The following BRPF1 variants were observed in gnomAD, a reference collection of about 807,000 sequenced individuals.
The protein encoded by BRPF1 is bromodomain and PHD finger containing 1.
In BRPF1, 15 loss-of-function variants were observed where a neutral mutation model predicts 115.0. The ratio of observed to expected loss-of-function variants is 0.13; its 90% CI spans 0.09 to 0.20. The LOEUF (loss-of-function observed/expected upper bound fraction) is 0.20, where lower values mean the gene tolerates loss of function less well. Ranked by LOEUF, BRPF1 falls within the 10% of genes least tolerant of loss-of-function variation. The pLI is 1.00. For synonymous variants in BRPF1, 647 were observed against 619.8 expected (o/e 1.04, Z -0.65); for missense variants, 1,118 against 1,638.3 (o/e 0.68, Z 5.48).
chr3:9,739,977 G>C lies in BRPF1; in HGVS notation c.1559+19G>C, dbSNP rs2077002621. The stretch of plus-strand genomic sequence containing the variant: ...CACACAGGTATGTGGGGAGCCGGTG[G>C]ACAGGCAGATGAGGGAGAAAGGAGC... On this transcript the variant is annotated intron_variant, in intron 3 of 13. Coordinates refer to ENST00000383829, the MANE Select transcript of BRPF1 (RefSeq NM_001003694.2). The C allele has an allele frequency of 6.5e-7, 1 of 1,545,082 alleles. No homozygotes were observed. Among genetic ancestry groups the C allele is most frequent in the Admixed American group, 2.0e-5 (1 of 49,852 alleles).
rs759707755 is a variant in BRPF1 at position 9,744,350 on chromosome 3, G to A, written c.2762G>A (p.Arg921Gln). The A allele has an allele frequency of 6.8e-6, 11 of 1,613,232 alleles. No individual in the cohort carries two copies. The highest frequency in any genetic ancestry group is 3.3e-5 in the Admixed American group (2 of 59,888). ...AGGCCGGGCCGGCCCCCCAAAAACCGGGAGAGCCAGATGACCCCCAGCCAC... is the reference window on the plus strand; with the variant it reads ...AGGCCGGGCCGGCCCCCCAAAAACCAGGAGAGCCAGATGACCCCCAGCCAC... Reference protein sequence around the residue: ...PKRPGRPPKNRESQMTPSHGG... With the variant: ...PKRPGRPPKNQESQMTPSHGG... Residue 921 changes from arginine to glutamine, a missense_variant, in exon 9 of 14, where the codon CGG (arginine) becomes CAG (glutamine). Arg to Gln is a conservative substitution (Grantham distance 43, BLOSUM62 1). Around this residue, in one of 10 missense-constraint regions of BRPF1, gnomAD observed 92 missense variants for 102.2 expected, o/e 0.90. Transcript: ENST00000383829.
At chr3:9,733,413 T>C (rs183754920) in intron 1 of BRPF1, 8 of 152,284 alleles carry the variant, frequency 5.3e-5, no homozygotes, top group Non-Finnish European at 1.2e-4. Flanking sequence ...CAGTGCATGC[T>C]AGGTACTGGG....
At position 9,745,816 on chromosome 3, in the gene BRPF1, A is replaced by G; in HGVS notation, c.3210A>G (p.Val1070=). The part of the protein sequence containing the change: ...GTGRGVGHSM[V]RKSLGRGAGW... ...CTCTCCCCCATTCCTGTGAAGTGGT[A>G]AGGAAGAGTCTGGGCCGGGGAGCTG... is the stretch of plus-strand genomic sequence containing the variant. The change falls in exon 12 of 14, where the codon GTA becomes GTG. Residue 1070 remains valine, a synonymous_variant. Transcript: ENST00000383829. This position sits in a 1 kb window ranked among gnomAD's most constrained non-coding sequence, Gnocchi z 5.1. 1 of 1,613,898 alleles carries G rather than the reference A, an allele frequency of 6.2e-7. No individual in the cohort carries two copies. The highest frequency in any genetic ancestry group is 8.5e-7 in the Non-Finnish European group (1 of 1,179,854).
At position 9,739,452 on chromosome 3, in the gene BRPF1, G is replaced by C. The variant is rs772229740; in HGVS notation, c.1053G>C (p.Val351=). ...KQTDDGRWAH[V]VCALWIPEVC... is the part of the protein sequence containing the mutation. ...CAGATGACGGGCGCTGGGCCCATGT[G>C]GTGTGTGCCTTGTGGATCCCTGAGG... The change falls in exon 3 of 14, where the codon GTG becomes GTC. Residue 351 remains valine, a synonymous_variant. Transcript: ENST00000383829. 1 of 1,614,114 alleles carries C rather than the reference G, an allele frequency of 6.2e-7. No homozygotes were observed. Among genetic ancestry groups the C allele is most frequent in the South Asian group, 1.1e-5 (1 of 91,076 alleles).
At position 9,747,646 on chromosome 3, in the gene BRPF1, A is replaced by G. The variant is rs2077150718; in HGVS notation, c.*297A>G. Reference sequence around the variant, plus strand: ...GTGGGCCAAAGTTAGGACACTGCGTAAAACAGGCCATCCCACCACCTCTAC... The same window carrying G: ...GTGGGCCAAAGTTAGGACACTGCGTGAAACAGGCCATCCCACCACCTCTAC... On this transcript the variant is annotated 3_prime_UTR_variant, in exon 14 of 14. Coordinates refer to ENST00000383829, the MANE Select transcript of BRPF1 (RefSeq NM_001003694.2). This position sits in a 1 kb window ranked among gnomAD's most constrained non-coding sequence, Gnocchi z 5.6. 1 of 289,098 alleles carries G rather than the reference A, an allele frequency of 3.5e-6. No individual in the cohort carries two copies. Among genetic ancestry groups the G allele is most frequent in the African/African-American group, 2.1e-5 (1 of 48,106 alleles). The allele number at this position is 289,098 out of a possible 1,614,324, so 17.9% of individuals were successfully genotyped here.
At position 9,747,004 on chromosome 3, in the gene BRPF1, G is replaced by A. The variant is rs981807011; in HGVS notation, c.3480-162G>A. On this transcript the variant is annotated intron_variant, in intron 13 of 13. Coordinates refer to ENST00000383829, the MANE Select transcript of BRPF1 (RefSeq NM_001003694.2). The surrounding 1 kb of genome is among the most constrained non-coding windows in gnomAD (Gnocchi z 5.6). The stretch of plus-strand genomic sequence containing the variant: ...CACCACACAGTATAACTGTTGACTG[G>A]GCTCTTTCATCTCTAGACCATGAAC... 3.3e-5 allele frequency among the ~76,000 whole-genome samples: 5 copies of A among 152,094 alleles called. No homozygotes were observed. The highest frequency in any genetic ancestry group is 9.7e-5 in the African/African-American group (4 of 41,412).
At chr3:9,742,197 C>A in intron 6 of BRPF1, 26 bp downstream of exon 6, 1 of 1,611,964 alleles carries the variant, frequency 6.2e-7, no homozygotes, top group Middle Eastern at 1.7e-4. Context: ...CCTCACTCCA[C>A]CTTCTCTCTG....
intron 1 of BRPF1, chr3:9,732,526 T>A (rs1267445924): frequency 6.6e-6 from 1 of 152,098 alleles, no homozygotes. Context: ...GGCTTTCTGG[T>A]CTAAGTTCTC....
Position 9,743,034 on chromosome 3 carries a change from G to A in BRPF1, c.2092G>A (p.Asp698Asn), listed in dbSNP as rs770462667. ...GGCTTACCGCTACCTGAATTTTGAT[G>A]ATTTTGAGGAGGACTTCAACCTCAT... ...LEAYRYLNFD[D>N]FEEDFNLIVS... The change falls in exon 7 of 14, where the codon GAT becomes AAT. Residue 698 changes from aspartate to asparagine, a missense_variant. Asp to Asn is a conservative substitution (Grantham distance 23). Transcript: ENST00000383829. This position sits in a 1 kb window ranked among gnomAD's most constrained non-coding sequence, Gnocchi z 6.1. The A allele has an allele frequency of 3.1e-6, 5 of 1,614,202 alleles. No individual in the cohort carries two copies. The South Asian group carries it at 3.3e-5, about 11-fold the overall frequency.
intron 3 of BRPF1, among the ~76,000 whole-genome samples, chr3:9,740,512 G>C (rs1480602660): frequency 6.6e-6 from 1 of 152,206 alleles, no homozygotes; most frequent in Non-Finnish European, 1.5e-5. Flanking sequence ...GCAGTGACTA[G>C]AGCAGTCTTA....
In BRPF1 at chr3:9,739,354, C is replaced by T. The variant is rs1376762702; in HGVS notation, c.955C>T (p.Arg319Cys). Reference protein sequence around the residue: ...YIPEGQWLCRRCLQSPSRAVD... With the variant: ...YIPEGQWLCRCCLQSPSRAVD... The stretch of plus-strand genomic sequence containing the variant: ...CCCTGAGGGCCAGTGGCTGTGCCGC[C>T]GTTGCCTGCAGTCACCCTCTCGTGC... The change falls in exon 3 of 14, where the codon CGT becomes TGT. Residue 319 changes from arginine to cysteine, a missense_variant. Transcript: ENST00000383829. The T allele has an allele frequency of 3.1e-6, 5 of 1,614,080 alleles. No individual in the cohort carries two copies. Among genetic ancestry groups the T allele is most frequent in the Non-Finnish European group, 4.2e-6 (5 of 1,180,044 alleles).
At chr3:9,742,337 C>T in intron 6 of BRPF1, 166 bp downstream of exon 6, 1 of 985,416 alleles carries the variant, frequency 1.0e-6, no homozygotes, top group Middle Eastern at 5.2e-4. Context: ...TGTCTTGTCC[C>T]TGTCACACCC....
chr3:9,739,950 A>T lies in BRPF1; in HGVS notation c.1551A>T (p.Pro517=), dbSNP rs1485205991. The T allele has an allele frequency of 1.3e-6, 2 of 1,576,810 alleles. No homozygotes were observed. The highest frequency in any genetic ancestry group is 3.8e-5 in the Admixed American group (2 of 52,630). The change falls in exon 3 of 14, where the codon CCA becomes CCT. Residue 517 remains proline (P), a synonymous_variant. Transcript: ENST00000383829. ...CTGTGGTGTCAGTGCCCTGCATCCC[A>T]CCACACAGGTATGTGGGGAGCCGGT... is the stretch of plus-strand genomic sequence containing the variant. ...AAPVVSVPCI[P]PHRLSKITNR... is the part of the protein sequence containing the mutation.
At chr3:9,736,297 C>T (rs1008220877) in intron 2 of BRPF1, among the ~76,000 whole-genome samples, 13 of 152,182 alleles carry the variant, frequency 8.5e-5, no homozygotes, top group African/African-American at 1.4e-4. Flanking sequence ...TGAGCCACCG[C>T]GCCCGGCCTA....
intron 2 of BRPF1, among the ~76,000 whole-genome samples, chr3:9,736,228 G>A (rs915912022): frequency 1.3e-5 from 2 of 151,562 alleles, no homozygotes; most frequent in Admixed American, 6.6e-5. Flanking sequence ...GGATGGTCTC[G>A]ATCTCCTGAC....
At chr3:9,738,858 TG>T in intron 2 of BRPF1, 140 bp from the exon 3 acceptor site, 1 of 704,124 alleles carries the variant, frequency 1.4e-6, no homozygotes, top group Non-Finnish European at 2.2e-6. Flanking sequence ...CTATAATATC[TG>T]GAGTTAAGGT....
In BRPF1 at chr3:9,734,185, G is replaced by T; in HGVS notation, c.45G>T (p.Arg15=). The change falls in exon 2 of 14, where the codon CGG becomes CGT. Residue 15 remains arginine (R), a synonymous_variant. Coordinates refer to ENST00000383829, the MANE Select transcript of BRPF1 (RefSeq NM_001003694.2). This position sits in a 1 kb window ranked among gnomAD's most constrained non-coding sequence, Gnocchi z 5.7. ...TGAAGACTTTCTGCCACAACTTGCG[G>T]GCGACTAAGCCACCATACGAGTGCC... ...FDVKTFCHNL[R]ATKPPYECPV... is the part of the protein sequence containing the mutation. 1 of 1,612,786 alleles carries T rather than the reference G, an allele frequency of 6.2e-7. No homozygotes were observed. Among genetic ancestry groups the T allele is most frequent in the Non-Finnish European group, 8.5e-7 (1 of 1,179,080 alleles).
intron 1 of BRPF1, among the ~76,000 whole-genome samples, 177 bp downstream of exon 1, chr3:9,732,315 C>T (rs565338540): frequency 6.6e-6 from 1 of 152,350 alleles, no homozygotes; most frequent in South Asian, 2.1e-4. Flanking sequence ...TCTTTCGGGG[C>T]TGCCCGGGCT....
intron 6 of BRPF1, chr3:9,742,499 C>G (rs1451357907): frequency 6.1e-6 from 6 of 985,330 alleles, no homozygotes; most frequent in Non-Finnish European, 7.2e-6. Flanking sequence ...AGAACCAGCT[C>G]TGAAGCCCTA....
Sources: gnomAD v4.1 joint callset for allele counts (sites outside exome capture counted in the v4.1 genomes callset) on GRCh38, gnomAD v4.1.1 for gene constraint, gnomAD v4.1.1 regional missense constraint, Gnocchi (gnomAD v3.1) non-coding constraint, MANE v1.5 for transcripts, NCBI Gene and HGNC (gene_info 2026-07-23, HGNC 2026-07-21) for gene names.